Variants in DTNB observed in about 807,000 individuals in gnomAD.
The protein encoded by DTNB is DTN-B.
A neutral mutation model predicts 90.7 loss-of-function variants in DTNB; 63 were observed. The observed-to-expected ratio is 0.69, with a 90% CI of 0.57 to 0.86. The LOEUF is 0.86. Ranked by LOEUF, DTNB falls within the 40% of genes least tolerant of loss-of-function variation. The pLI is 0.00. For synonymous variants in DTNB, 277 were observed against 286.7 expected (o/e 0.97, Z 0.34); for missense variants, 744 against 807.1 (o/e 0.92, Z 0.95).
chr2:25,644,202 T>C (rs1457502256), intron 2 of DTNB, among the ~76,000 whole-genome samples: 1 of 152,234 alleles, frequency 6.6e-6, no homozygotes, highest in Non-Finnish European at 1.5e-5. Flanking sequence ...ACTTTCTTAA[T>C]AAGCTTGCTT....
chr2:25,469,343 G>A (rs1408532682), intron 10 of DTNB, among the ~76,000 whole-genome samples: 2 of 152,162 alleles, frequency 1.3e-5, no homozygotes, highest in Non-Finnish European at 2.9e-5. Flanking sequence ...TCCAGGTACT[G>A]AAGAGTCCCA....
intron 10 of DTNB, among the ~76,000 whole-genome samples, chr2:25,477,020 C>T (rs916246181): frequency 1.2e-4 from 18 of 152,192 alleles, no homozygotes; most frequent in African/African-American, 4.3e-4. Flanking sequence ...CTACAGCTAT[C>T]CCAGTCTTCA....
intron 8 of DTNB, among the ~76,000 whole-genome samples, chr2:25,560,821 T>G (rs2058147133): frequency 6.6e-6 from 1 of 152,210 alleles, no homozygotes; most frequent in Admixed American, 6.5e-5. Flanking sequence ...TGCTGACACT[T>G]CGATTTCAAA....
rs187178367 is a variant in DTNB at position 25,446,342 on chromosome 2, T to C, written c.1257+5206A>G. On this transcript the variant is annotated intron_variant, in intron 12 of 20. Transcript: ENST00000406818. ...ACCTTGAACTTCTGGGCTCAAGCAA[T>C]TCTCCCACGTCAGCCTCCCAAGCAG... Among the ~76,000 whole-genome samples the C allele has an allele frequency of 1.8e-3, 268 of 152,300 alleles. 2 individuals are homozygous for C. The highest frequency in any genetic ancestry group is 0.017 in the Middle Eastern group (5 of 294).
chr2:25,601,699 G>A (rs1027494617), intron 5 of DTNB, among the ~76,000 whole-genome samples: 3 of 152,114 alleles, frequency 2.0e-5, no homozygotes, highest in Non-Finnish European at 2.9e-5. Flanking sequence ...CCTGGCAAAT[G>A]ACTCTCATCG....
At chr2:25,520,335 G>A (rs958510337) in intron 9 of DTNB, among the ~76,000 whole-genome samples, 10 of 152,144 alleles carry the variant, frequency 6.6e-5, no homozygotes, top group African/African-American at 1.7e-4. Flanking sequence ...TTCTGCCACC[G>A]TACTCCAGCC....
At chr2:25,388,172 TC>T (rs2040049440) in intron 17 of DTNB, 29 bp downstream of exon 17, 1 of 1,548,776 alleles carries the variant, frequency 6.5e-7, no homozygotes, top group African/African-American at 1.4e-5. Flanking sequence ...TCCCTTCAGC[TC>T]CCCGCTGAAC....
At chr2:25,527,299 T>C (rs1420726852) in intron 9 of DTNB, among the ~76,000 whole-genome samples, 4 of 151,494 alleles carry the variant, frequency 2.6e-5, no homozygotes, top group African/African-American at 9.7e-5. Flanking sequence ...CAAAAGGGGG[T>C]GGATCAAGAG....
chr2:25,426,971 T>C (rs1017338189), intron 15 of DTNB, among the ~76,000 whole-genome samples: 2 of 151,742 alleles, frequency 1.3e-5, no homozygotes, highest in Non-Finnish European at 2.9e-5. Context: ...AGGTCAGGAG[T>C]TTGAGACCAG....
chr2:25,446,072 T>A (rs1011965358), intron 12 of DTNB, among the ~76,000 whole-genome samples: 2 of 152,196 alleles, frequency 1.3e-5, no homozygotes, highest in African/African-American at 4.8e-5. Context: ...ATTACTCTTT[T>A]AGGATGAATC....
At chr2:25,481,317 A>G (rs994403891) in intron 10 of DTNB, among the ~76,000 whole-genome samples, 3 of 151,906 alleles carry the variant, frequency 2.0e-5, no homozygotes, top group African/African-American at 4.8e-5. Flanking sequence ...AGGCAGGAGA[A>G]TCGCTTGAAC....
chr2:25,462,603 G>T (rs1199080472), intron 10 of DTNB, among the ~76,000 whole-genome samples: 1 of 152,100 alleles, frequency 6.6e-6, no homozygotes, highest in Non-Finnish European at 1.5e-5. Flanking sequence ...ATAAAATAAT[G>T]TCAAAAAGCA....
chr2:25,387,081 C>A lies in DTNB; in HGVS notation c.1825+208G>T. ...CACAAGATGCACTCCTGAGATAGGC[C>A]TGAATGTGAAACCGCCCCTACGCGA... On this transcript the variant is annotated intron_variant, in intron 18 of 20. Transcript: ENST00000406818. This position sits in a 1 kb window ranked among gnomAD's most constrained non-coding sequence, Gnocchi z 4.5. The A allele has an allele frequency of 1.8e-6, 1 of 545,184 alleles. No homozygotes were observed. Among genetic ancestry groups the A allele is most frequent in the Admixed American group, 3.0e-5 (1 of 33,282 alleles). 33.8% of individuals were successfully genotyped at this position (545,184 alleles called of 1,614,324 possible).
chr2:25,508,197 T>C (rs1027025197), intron 9 of DTNB, among the ~76,000 whole-genome samples: 1 of 152,226 alleles, frequency 6.6e-6, no homozygotes, highest in Non-Finnish European at 1.5e-5. Context: ...GAGCAAAGAT[T>C]GTTTTGTCTG....
intron 9 of DTNB, among the ~76,000 whole-genome samples, chr2:25,508,563 T>G (rs1378362774): frequency 6.7e-6 from 1 of 150,142 alleles, no homozygotes. Flanking sequence ...AGATGGAGTT[T>G]CGCTCTTGTT....
intron 6 of DTNB, among the ~76,000 whole-genome samples, chr2:25,586,770 G>C (rs1344644619): frequency 6.6e-6 from 1 of 152,036 alleles, no homozygotes; most frequent in Admixed American, 6.5e-5. Context: ...TTTTGGAGGA[G>C]AGACAGAAAG....
chr2:25,449,213 A>C (rs2058896465), intron 12 of DTNB, among the ~76,000 whole-genome samples: 1 of 152,232 alleles, frequency 6.6e-6, no homozygotes, highest in Non-Finnish European at 1.5e-5. Context: ...TATTGTATGA[A>C]TATAACACAT....
chr2:25,481,099 A>C (rs2064839218), intron 10 of DTNB, among the ~76,000 whole-genome samples: 1 of 152,124 alleles, frequency 6.6e-6, no homozygotes. Flanking sequence ...CATTTTAGAG[A>C]TAAAAAATTG....
At chr2:25,426,903 C>T (rs2051849594) in intron 15 of DTNB, among the ~76,000 whole-genome samples, 1 of 152,196 alleles carries the variant, frequency 6.6e-6, no homozygotes, top group Non-Finnish European at 1.5e-5. Context: ...AGGCCAGGAG[C>T]AATGGCTCAT....
Sources: gnomAD v4.1 joint callset for allele counts (sites outside exome capture counted in the v4.1 genomes callset) on GRCh38, gnomAD v4.1.1 for gene constraint, Gnocchi (gnomAD v3.1) non-coding constraint, MANE v1.5 for transcripts, NCBI Gene and HGNC (gene_info 2026-07-23, HGNC 2026-07-21) for gene names.